The following NTRK1 variants were observed in gnomAD, a reference collection of about 807,000 sequenced individuals.
NTRK1 encodes neurotrophic receptor tyrosine kinase 1.
NTRK1 carries 62 observed loss-of-function variants against 86.8 expected under a neutral mutation model. That is an observed-to-expected ratio of 0.71 (90% CI 0.58 to 0.88). The LOEUF is 0.88. Ranked by LOEUF, NTRK1 falls within the 40% of genes least tolerant of loss-of-function variation. The pLI is 0.00. For synonymous variants in NTRK1, 469 were observed against 456.6 expected (o/e 1.03, Z -0.35); for missense variants, 967 against 1,078.4 (o/e 0.90, Z 1.45).
intron 1 of NTRK1, among the ~76,000 whole-genome samples, chr1:156,862,817 G>T (rs1457020609): frequency 6.6e-6 from 1 of 152,100 alleles, no homozygotes. Flanking sequence ...GCAGGGGCTG[G>T]GGGGTGGGTA....
At chr1:156,817,690 T>G (rs1390621488) in intron 1 of NTRK1, among the ~76,000 whole-genome samples, 1 of 150,548 alleles carries the variant, frequency 6.6e-6, no homozygotes, top group East Asian at 1.9e-4. Flanking sequence ...TCACCCAGGC[T>G]GGACTGCAGT....
chr1:156,851,492 C>A, intron 2 of NTRK1: 1 of 1,609,986 alleles, frequency 6.2e-7, no homozygotes. Context: ...GTCTGTGGGG[C>A]AAGGGGGCTG....
chr1:156,851,780 C>A, intron 2 of NTRK1: 1 of 1,609,376 alleles, frequency 6.2e-7, no homozygotes, highest in Non-Finnish European at 8.5e-7. Context: ...GCACTTGTGG[C>A]AGAATATGCT....
At chr1:156,816,003 C>T (rs750159727) in intron 1 of NTRK1, 2 of 1,613,580 alleles carry the variant, frequency 1.2e-6, no homozygotes, top group African/African-American at 1.3e-5. Context: ...GGTTTCCACT[C>T]ACCGCAGTGT....
rs1647578163 is a variant in NTRK1, at chr1:156,871,878, A to G, written c.850+123A>G. 4.5e-6 allele frequency: 6 copies of G among 1,333,696 alleles called. 1 individual carries two copies. The South Asian group carries it at 6.1e-5, about 14-fold the overall frequency. The allele number at this position is 1,333,696 out of a possible 1,614,324, so 82.6% of individuals were successfully genotyped here. On this transcript the variant is annotated intron_variant, in intron 7 of 16. Transcript: ENST00000524377. ...TGTGTCTCCACAGCTGCTCCCTCCC[A>G]GCTGTTTCCAGATTCCCATGAAAAC...
At chr1:156,859,297 T>C (rs974204240), upstream of NTRK1, among the ~76,000 whole-genome samples, 1 of 150,594 alleles carries the variant, frequency 6.6e-6, no homozygotes, top group African/African-American at 2.5e-5. This position sits in a 1 kb window ranked among gnomAD's most constrained non-coding sequence, Gnocchi z 6.2. Flanking sequence ...GGGGGGAGGG[T>C]GGGCCAAGAA....
chr1:156,857,712 C>A (rs1453976354), upstream of NTRK1, among the ~76,000 whole-genome samples: 3 of 152,202 alleles, frequency 2.0e-5, no homozygotes, highest in South Asian at 2.1e-4. Context: ...CCCCTGGGAG[C>A]CCCCAGTCTG....
chr1:156,867,573 A>G (rs2102890916), intron 4 of NTRK1, among the ~76,000 whole-genome samples: 1 of 152,240 alleles, frequency 6.6e-6, no homozygotes, highest in Non-Finnish European at 1.5e-5. Context: ...GGCTCAAGCC[A>G]TCCTCCGCCT....
chr1:156,843,865 T>C (rs1654889935), intron 2 of NTRK1, among the ~76,000 whole-genome samples: 1 of 152,228 alleles, frequency 6.6e-6, no homozygotes, highest in Non-Finnish European at 1.5e-5. Context: ...TTTTTCAGCT[T>C]GGGTGCACAA....
At chr1:156,858,503 G>A (rs1655490207), upstream of NTRK1, 1 of 1,563,270 alleles carries the variant, frequency 6.4e-7, no homozygotes, top group Non-Finnish European at 8.8e-7. Context: ...CTGGGAGGGA[G>A]GTAGGGGTCT....
chr1:156,845,853 T>C (rs755710831), intron 2 of NTRK1: 4 of 1,577,510 alleles, frequency 2.5e-6, no homozygotes, highest in Non-Finnish European at 3.4e-6. Context: ...AGACAGGCGG[T>C]CTACCCGCCT....
chr1:156,846,908 G>A (rs757901641), intron 2 of NTRK1: 5 of 647,546 alleles, frequency 7.7e-6, no homozygotes, highest in Non-Finnish European at 1.4e-5. Flanking sequence ...CCTTGGCAAG[G>A]GGGGGCGGAG....
chr1:156,843,657 C>T (rs1654883774), intron 2 of NTRK1, among the ~76,000 whole-genome samples: 1 of 152,234 alleles, frequency 6.6e-6, no homozygotes. Context: ...TGGCCCTATT[C>T]CTGGGATCTA....
At chr1:156,839,321 G>A (rs992974229) in intron 1 of NTRK1, among the ~76,000 whole-genome samples, 1 of 152,274 alleles carries the variant, frequency 6.6e-6, no homozygotes, top group African/African-American at 2.4e-5. Context: ...TGTGTGGCAT[G>A]TGTGTGGCAT....
At chr1:156,864,993 G>T in intron 3 of NTRK1, 194 bp downstream of exon 3, 1 of 647,758 alleles carries the variant, frequency 1.5e-6, no homozygotes, top group South Asian at 1.7e-5. Flanking sequence ...ACAGCTAGAG[G>T]TCCTCCTTGC....
chr1:156,867,777 C>A (rs1647251805), intron 4 of NTRK1, among the ~76,000 whole-genome samples: 1 of 152,098 alleles, frequency 6.6e-6, no homozygotes, highest in African/African-American at 2.4e-5. Context: ...GGGTTCACGC[C>A]ATTCTCCTGC....
At chr1:156,850,394 T>C (rs1378872746) in intron 2 of NTRK1, among the ~76,000 whole-genome samples, 1 of 151,874 alleles carries the variant, frequency 6.6e-6, no homozygotes, top group Non-Finnish European at 1.5e-5. Flanking sequence ...GTATTTTTAG[T>C]AGAGATGGGT....
chr1:156,834,811 G>A (rs962510038), intron 1 of NTRK1, among the ~76,000 whole-genome samples: 4 of 100,058 alleles, frequency 4.0e-5, no homozygotes, highest in African/African-American at 1.1e-4. Context: ...AATGGGCCGG[G>A]GAGACGGGGG....
At chr1:156,834,450 T>C (rs897771768) in intron 1 of NTRK1, among the ~76,000 whole-genome samples, 2 of 152,144 alleles carry the variant, frequency 1.3e-5, no homozygotes. Flanking sequence ...TTTAGAACTA[T>C]AGACAGAGAC....
Sources: allele counts gnomAD v4.1 joint callset (sites outside exome capture counted in the v4.1 genomes callset), GRCh38; gene constraint gnomAD v4.1.1; non-coding constraint Gnocchi (gnomAD v3.1); transcripts MANE v1.5; gene names NCBI Gene and HGNC (gene_info 2026-07-23, HGNC 2026-07-21).